ZZZ3: variants seen among roughly 807,000 people sequenced by gnomAD.
The protein encoded by ZZZ3 is ZZ-type zinc finger-containing protein 3.
In ZZZ3, 22 loss-of-function variants were observed where a neutral mutation model predicts 95.2. The observed-to-expected ratio is 0.23, with a 90% confidence interval of 0.17 to 0.33. ZZZ3 has a LOEUF of 0.33. ZZZ3 is among the 10% of genes least tolerant of loss of function. ZZZ3 has a pLI of 1.00. For synonymous variants in ZZZ3, 335 were observed against 358.9 expected (o/e 0.93, Z 0.75); for missense variants, 885 against 1,066.5 (o/e 0.83, Z 2.37).
Position 77,632,625 on chromosome 1 carries a change from C to A in ZZZ3, c.730G>T (p.Asp244Tyr). The change falls in exon 5 of 15, where the codon GAT becomes TAT. Residue 244 changes from aspartate (D) to tyrosine (Y), a missense_variant. Asp to Tyr is a radical substitution (Grantham distance 160). Coordinates refer to ENST00000370801, the MANE Select transcript of ZZZ3 (RefSeq NM_015534.6). Reference sequence around the variant, plus strand: ...AACATTGAAGTTTGGGTATCCGTATCCCCATTTTCAGCTACTGATTTTTCC... The same window carrying A: ...AACATTGAAGTTTGGGTATCCGTATACCCATTTTCAGCTACTGATTTTTCC... ...LQEKSVAENG[D>Y]TDTQTSMFLD... The A allele has an allele frequency of 6.2e-7, 1 of 1,614,158 alleles. No individual in the cohort carries two copies. Among genetic ancestry groups the A allele is most frequent in the Non-Finnish European group, 8.5e-7 (1 of 1,180,020 alleles).
Position 77,566,160 on chromosome 1 carries a change from G to C in ZZZ3, c.2488C>G (p.Pro830Ala). 1 of 1,612,200 alleles carries C rather than the reference G, an allele frequency of 6.2e-7. No homozygotes were observed. Among genetic ancestry groups the C allele is most frequent in the Non-Finnish European group, 8.5e-7 (1 of 1,178,820 alleles). Residue 830 changes from proline to alanine, a missense_variant, in exon 14 of 15, where the codon CCC (proline) becomes GCC (alanine). Transcript: ENST00000370801. ...GFKCDNCGIE[P>A]IQGVRWHCQD... Reference sequence around the variant, plus strand: ...CAATGCCACCGAACACCCTGGATGGGTTCTATGCCACAGTTATCACACTAT... The same window carrying C: ...CAATGCCACCGAACACCCTGGATGGCTTCTATGCCACAGTTATCACACTAT...
intron 9 of ZZZ3, chr1:77,580,760 G>A (rs1269032546): frequency 3.1e-6 from 1 of 327,240 alleles, no homozygotes; most frequent in Non-Finnish European, 5.7e-6. Flanking sequence ...CTCCCGAGTA[G>A]CTGGGATTAT....
intron 14 of ZZZ3, 137 bp from the exon 15 acceptor site, chr1:77,565,921 G>T: frequency 1.8e-6 from 2 of 1,133,932 alleles, no homozygotes; most frequent in Non-Finnish European, 2.5e-6. Flanking sequence ...TACTTGACAT[G>T]TGGTATGATT....
At chr1:77,573,412 G>C (rs1393655435) in intron 12 of ZZZ3, among the ~76,000 whole-genome samples, 1 of 152,108 alleles carries the variant, frequency 6.6e-6, no homozygotes, top group African/African-American at 2.4e-5. Flanking sequence ...GTGAGCCACA[G>C]TGCCCGGTCT....
intron 10 of ZZZ3, among the ~76,000 whole-genome samples, chr1:77,579,162 G>A (rs893154209): frequency 1.3e-5 from 2 of 152,146 alleles, no homozygotes; most frequent in Non-Finnish European, 2.9e-5. Context: ...ATGGGAATAT[G>A]AAGGAGTAAA....
chr1:77,617,776 GAAA>G (rs551912442), intron 5 of ZZZ3, among the ~76,000 whole-genome samples: 5 of 111,314 alleles, frequency 4.5e-5, no homozygotes, highest in African/African-American at 1.0e-4. Flanking sequence ...TGCCTCTACT[GAAA>G]AAAAAAAAAA....
intron 11 of ZZZ3, among the ~76,000 whole-genome samples, chr1:77,577,779 C>T (rs145228788): frequency 6.6e-6 from 1 of 152,172 alleles, no homozygotes; most frequent in African/African-American, 2.4e-5. Flanking sequence ...TGCCACCACA[C>T]CCGGCTAATT....
intron 5 of ZZZ3, among the ~76,000 whole-genome samples, chr1:77,586,215 T>C (rs909987059): frequency 1.3e-5 from 2 of 152,194 alleles, no homozygotes; most frequent in East Asian, 3.8e-4. Context: ...CTAGAAGCTG[T>C]CCTCTCTATA....
chr1:77,628,040 A>G (rs1233194052), intron 5 of ZZZ3, among the ~76,000 whole-genome samples: 1 of 152,206 alleles, frequency 6.6e-6, no homozygotes, highest in African/African-American at 2.4e-5. Flanking sequence ...ATTAAAACCT[A>G]AGACCTAAAA....
intron 14 of ZZZ3, 49 bp from the exon 15 acceptor site, chr1:77,565,833 T>C (rs1168612180): frequency 1.9e-6 from 3 of 1,548,292 alleles, no homozygotes; most frequent in East Asian, 2.3e-5. Context: ...GGATGCATTT[T>C]AGTCTGTGTA....
intron 1 of ZZZ3, among the ~76,000 whole-genome samples, chr1:77,676,678 A>AT (rs1672296065): frequency 6.6e-6 from 1 of 152,266 alleles, no homozygotes; most frequent in African/African-American, 2.4e-5. Flanking sequence ...AAACACCACA[A>AT]TAAGAAAGCC....
chr1:77,643,177 A>C lies in ZZZ3; in HGVS notation c.-402-1522T>G, dbSNP rs76583476. Among the ~76,000 whole-genome samples the C allele has an allele frequency of 9.2e-5, 14 of 152,228 alleles. No individual in the cohort carries two copies. The East Asian group carries it at 2.7e-3, about 29-fold the overall frequency. On this transcript the variant is annotated intron_variant, in intron 1 of 14. Transcript: ENST00000370801. ...TTCCAGCCTGGGTAACAAAGAAAAA[A>C]AAAAAGAAAAAACCGATCTAAGTAT...
chr1:77,613,191 G>C (rs1280468893), intron 5 of ZZZ3, among the ~76,000 whole-genome samples: 1 of 151,828 alleles, frequency 6.6e-6, no homozygotes, highest in East Asian at 1.9e-4. Context: ...CTTCTTCATG[G>C]ATTATTAGTC....
chr1:77,578,658 G>A (rs1011027408), intron 11 of ZZZ3, 116 bp downstream of exon 11: 1 of 548,000 alleles, frequency 1.8e-6, no homozygotes, highest in African/African-American at 2.0e-5. Flanking sequence ...GAAATGCTTA[G>A]AATGAACAGA....
At chr1:77,591,834 GTAT>G (rs765886377) in intron 5 of ZZZ3, among the ~76,000 whole-genome samples, 1 of 152,154 alleles carries the variant, frequency 6.6e-6, no homozygotes, top group Non-Finnish European at 1.5e-5. Flanking sequence ...TATTTCAGAA[GTAT>G]GGACAAATCA....
chr1:77,603,484 C>A (rs1483171435), intron 5 of ZZZ3, among the ~76,000 whole-genome samples: 1 of 152,156 alleles, frequency 6.6e-6, no homozygotes, highest in South Asian at 2.1e-4. Context: ...TTCTCTTCCA[C>A]CTGCAAAAGT....
Position 77,581,774 on chromosome 1 carries a change from A to G in ZZZ3, c.1908+2T>C. 1 of 1,606,968 alleles carries G rather than the reference A, an allele frequency of 6.2e-7. No individual in the cohort carries two copies. Among genetic ancestry groups the G allele is most frequent in the South Asian group, 1.1e-5 (1 of 89,918 alleles). ...CCTACTCCAATATTTCACACTGCTT[A>G]CCTGAGGACGACTGCTTGAGCCTTC... On this transcript the variant is annotated splice_donor_variant, in intron 8 of 14. Coordinates refer to ENST00000370801, the MANE Select transcript of ZZZ3 (RefSeq NM_015534.6). LOFTEE classifies it high-confidence loss of function.
At position 77,604,985 on chromosome 1, in the gene ZZZ3, G is replaced by A. The variant is rs564194752; in HGVS notation, c.1506-20330C>T. Among the ~76,000 whole-genome samples, 225 of 152,162 alleles carry A rather than the reference G, an allele frequency of 1.5e-3. 2 individuals carry two copies. The highest frequency in any genetic ancestry group is 5.2e-3 in the African/African-American group (214 of 41,514). ...TAAAGAGGGGCAGAGCAAGATAGCC[G>A]AGTATAAGGCTCCACCGATGGTCCC... On this transcript the variant is annotated intron_variant, in intron 5 of 14. Coordinates refer to ENST00000370801, the MANE Select transcript of ZZZ3 (RefSeq NM_015534.6).
At chr1:77,591,157 T>C (rs1371629450) in intron 5 of ZZZ3, among the ~76,000 whole-genome samples, 1 of 83,652 alleles carries the variant, frequency 1.2e-5, no homozygotes, top group African/African-American at 3.4e-5. Context: ...TAACGATAAA[T>C]ATATGTTATG....
Sources: gnomAD v4.1 joint callset for allele counts (sites outside exome capture counted in the v4.1 genomes callset) on GRCh38, gnomAD v4.1.1 for gene constraint, MANE v1.5 for transcripts, NCBI Gene and HGNC (gene_info 2026-07-23, HGNC 2026-07-21) for gene names.